CFAP141: variants seen among roughly 807,000 people sequenced by gnomAD.
CFAP141 encodes cilia- and flagella-associated protein 141.
chr1:154,205,946 G>A, the CFAP141 span, among the ~76,000 whole-genome samples: 3 of 151,904 alleles, frequency 2.0e-5, no homozygotes, highest in Admixed American at 6.6e-5. Flanking sequence ...CAGGTGATCC[G>A]CCCACCTCAG....
At chr1:154,203,269 T>G in the CFAP141 span, among the ~76,000 whole-genome samples, 1 of 131,654 alleles carries the variant, frequency 7.6e-6, no homozygotes, top group South Asian at 2.5e-4. Context: ...TTTACTTTTT[T>G]TTTTTTCTGA....
the CFAP141 span, among the ~76,000 whole-genome samples, chr1:154,203,801 G>A: frequency 3.3e-5 from 5 of 152,274 alleles, no homozygotes; most frequent in Admixed American, 6.5e-5. Context: ...CAGGCCGGGC[G>A]TGGTGGCTCA....
At chr1:154,205,738 CTT>C in the CFAP141 span, 19 of 1,133,714 alleles carry the variant, frequency 1.7e-5, 1 homozygote, top group Admixed American at 9.3e-5. Context: ...GAGTTTTGCT[CTT>C]GTTGCCCAGG....
chr1:154,205,706 GA>G, the CFAP141 span: 2 of 1,412,710 alleles, frequency 1.4e-6, no homozygotes, highest in Admixed American at 3.5e-5. Context: ...GAGAGACATA[GA>G]CCTTTTTTTT....
the CFAP141 span, among the ~76,000 whole-genome samples, chr1:154,201,705 A>C: frequency 1.3e-5 from 2 of 151,902 alleles, no homozygotes; most frequent in Non-Finnish European, 2.9e-5. Flanking sequence ...CAATTTCTCT[A>C]AAGTTAATAT....
the CFAP141 span, chr1:154,205,496 A>G: frequency 2.8e-6 from 3 of 1,055,852 alleles, no homozygotes; most frequent in Non-Finnish European, 4.5e-6. Context: ...CCTCTTGATG[A>G]GCCCCTAAAG....
the CFAP141 span, chr1:154,199,440 A>G: frequency 6.2e-7 from 1 of 1,609,316 alleles, no homozygotes; most frequent in Non-Finnish European, 8.5e-7. Context: ...GAATCTCTCT[A>G]CATAAAAAGC....
chr1:154,200,605 G>A, the CFAP141 span: 2 of 1,613,686 alleles, frequency 1.2e-6, no homozygotes, highest in Non-Finnish European at 8.5e-7. Flanking sequence ...CAGGTACAGA[G>A]GTGGGGGTTG....
chr1:154,201,148 G>A, the CFAP141 span, among the ~76,000 whole-genome samples: 2 of 151,830 alleles, frequency 1.3e-5, no homozygotes, highest in Non-Finnish European at 2.9e-5. Flanking sequence ...TATTTATTTT[G>A]AGACAGAGTT....
At chr1:154,199,311 C>T in the CFAP141 span, 1 of 673,368 alleles carries the variant, frequency 1.5e-6, no homozygotes. Context: ...GTCTTAAGTC[C>T]CTGACAGATA....
At chr1:154,199,423 G>A in the CFAP141 span, 1 of 1,590,194 alleles carries the variant, frequency 6.3e-7, no homozygotes, top group South Asian at 1.1e-5. Context: ...TGTTTTGGAT[G>A]CCATCAGAAT....
At chr1:154,200,416 A>G in the CFAP141 span, 1 of 1,607,738 alleles carries the variant, frequency 6.2e-7, no homozygotes, top group South Asian at 1.1e-5. Flanking sequence ...AAAGGCACAC[A>G]GCAGTAGTGA....
the CFAP141 span, chr1:154,200,385 A>G: frequency 1.3e-6 from 2 of 1,516,830 alleles, no homozygotes; most frequent in Non-Finnish European, 1.8e-6. Context: ...ACACACTAAG[A>G]GCTTGGAAAA....
At chr1:154,205,768 G>GATCTCGGCTCACCGCA in the CFAP141 span, 2 of 766,308 alleles carry the variant, frequency 2.6e-6, no homozygotes, top group African/African-American at 1.8e-5. Context: ...GCAGTGGCGT[G>GATCTCGGCTCACCGCA]ATCTCGGCTC....
the CFAP141 span, among the ~76,000 whole-genome samples, chr1:154,203,395 G>T: frequency 4.0e-5 from 6 of 149,584 alleles, no homozygotes; most frequent in Non-Finnish European, 5.9e-5. Flanking sequence ...GGGTAGCTGG[G>T]ATTATAGGCG....
chr1:154,199,522 G>A, the CFAP141 span: 3 of 1,607,860 alleles, frequency 1.9e-6, no homozygotes, highest in Admixed American at 1.7e-5. Context: ...AGGGCAGCTT[G>A]ACGGACCTGG....
chr1:154,202,244 T>G, the CFAP141 span, among the ~76,000 whole-genome samples: 1 of 151,452 alleles, frequency 6.6e-6, no homozygotes, highest in Non-Finnish European at 1.5e-5. Flanking sequence ...GGCTGCTAAT[T>G]TTTAAATTTT....
chr1:154,206,046 G>C, the CFAP141 span, among the ~76,000 whole-genome samples: 1 of 152,138 alleles, frequency 6.6e-6, no homozygotes, highest in South Asian at 2.1e-4. Context: ...GGGAAATAGG[G>C]AGAGGAAAGC....
the CFAP141 span, among the ~76,000 whole-genome samples, chr1:154,203,207 A>ACTT: frequency 6.4e-5 from 4 of 62,864 alleles, no homozygotes; most frequent in Non-Finnish European, 9.9e-5. Context: ...ATATATATAT[A>ACTT]TATATATATA....
Sources: allele counts gnomAD v4.1 joint callset (sites outside exome capture counted in the v4.1 genomes callset), GRCh38; gene constraint gnomAD v4.1.1; transcripts MANE v1.5; gene names NCBI Gene and HGNC (gene_info 2026-07-23, HGNC 2026-07-21).